The following SGCD variants were observed in gnomAD, a reference collection of about 807,000 sequenced individuals.
SGCD encodes delta-sarcoglycan.
Under a neutral mutation model 36.6 loss-of-function variants are expected in SGCD, and 18 were observed. The observed-to-expected ratio is 0.49, with a 90% CI of 0.34 to 0.73. The LOEUF (loss-of-function observed/expected upper bound fraction) is 0.73, where lower values mean the gene tolerates loss of function less well. Among genes scored for constraint, SGCD ranks in the 30% least tolerant of loss-of-function variants. SGCD has a pLI of 0.01. For missense variants in SGCD, 387 were observed against 346.7 expected (o/e 1.12, Z -0.92); for synonymous variants, 133 against 130.6 (o/e 1.02, Z -0.12).
intron 3 of SGCD, among the ~76,000 whole-genome samples, chr5:156,438,288 C>T (rs1753331155): frequency 6.6e-6 from 1 of 152,098 alleles, no homozygotes; most frequent in Non-Finnish European, 1.5e-5. Flanking sequence ...CCATATGCTC[C>T]TGCTCTGAGA....
intron 1 of SGCD, among the ~76,000 whole-genome samples, chr5:155,987,777 T>C (rs1471270111): frequency 6.6e-6 from 1 of 152,156 alleles, no homozygotes; most frequent in African/African-American, 2.4e-5. Context: ...TATTCTTCTT[T>C]CCATTTCTAG....
the SGCD span, among the ~76,000 whole-genome samples, chr5:155,827,155 T>C: frequency 6.6e-6 from 1 of 152,280 alleles, no homozygotes; most frequent in Admixed American, 6.5e-5. Context: ...CCTACATGCC[T>C]TCCACAGCTT....
intron 3 of SGCD, among the ~76,000 whole-genome samples, chr5:156,458,882 A>C (rs1490979761): frequency 6.6e-6 from 1 of 152,174 alleles, no homozygotes; most frequent in Non-Finnish European, 1.5e-5. Context: ...TTTTCCCTCA[A>C]AACTTGAAAC....
chr5:156,541,511 C>T (rs1758346504), intron 4 of SGCD, among the ~76,000 whole-genome samples: 1 of 152,028 alleles, frequency 6.6e-6, no homozygotes, highest in African/African-American at 2.4e-5. Context: ...GACAGAACCA[C>T]TGGGAACAAG....
intron 6 of SGCD, among the ~76,000 whole-genome samples, chr5:156,611,847 G>A (rs1434678111): frequency 1.3e-5 from 2 of 151,954 alleles, no homozygotes; most frequent in African/African-American, 4.8e-5. Flanking sequence ...TCTTTCTTAT[G>A]CTTAACCAAA....
the SGCD span, among the ~76,000 whole-genome samples, chr5:155,826,975 A>G: frequency 6.6e-6 from 1 of 152,202 alleles, no homozygotes; most frequent in African/African-American, 2.4e-5. Context: ...ATTGGATTCA[A>G]CCAAAACATT....
intron 3 of SGCD, among the ~76,000 whole-genome samples, chr5:156,267,761 A>G (rs1464089081): frequency 6.6e-6 from 1 of 152,104 alleles, no homozygotes; most frequent in Non-Finnish European, 1.5e-5. Context: ...CAAATGGCAT[A>G]TGATAGAATT....
At chr5:156,084,278 C>T (rs1209796716) in intron 1 of SGCD, among the ~76,000 whole-genome samples, 1 of 152,054 alleles carries the variant, frequency 6.6e-6, no homozygotes, top group Non-Finnish European at 1.5e-5. Context: ...TTCAACAGCA[C>T]TTTATAATTT....
intron 4 of SGCD, among the ~76,000 whole-genome samples, chr5:156,535,225 C>T (rs1330275292): frequency 1.3e-5 from 2 of 152,158 alleles, no homozygotes; most frequent in African/African-American, 2.4e-5. Context: ...CTCTCTGCTT[C>T]TTGGTTCATG....
chr5:156,165,748 A>G (rs896500215), intron 3 of SGCD, among the ~76,000 whole-genome samples: 2 of 152,202 alleles, frequency 1.3e-5, no homozygotes, highest in African/African-American at 4.8e-5. Context: ...AAAGTTACAG[A>G]TACACTATTT....
chr5:155,743,020 C>T, the SGCD span, among the ~76,000 whole-genome samples: 58 of 152,270 alleles, frequency 3.8e-4, no homozygotes, highest in South Asian at 8.3e-4. Context: ...AGCTTCCTTG[C>T]CCTCTCTAGG....
chr5:156,582,809 G>T (rs950343882), intron 4 of SGCD, among the ~76,000 whole-genome samples: 1 of 151,554 alleles, frequency 6.6e-6, no homozygotes, highest in African/African-American at 2.4e-5. Context: ...ATGCATGCAC[G>T]CATGTGCACG....
chr5:156,412,003 T>C (rs1373824248), intron 3 of SGCD, among the ~76,000 whole-genome samples: 1 of 152,254 alleles, frequency 6.6e-6, no homozygotes. Flanking sequence ...TCAATTTTTA[T>C]GTTCCCTAAA....
intron 3 of SGCD, among the ~76,000 whole-genome samples, chr5:156,256,917 A>C (rs2127663390): frequency 6.6e-6 from 1 of 152,120 alleles, no homozygotes; most frequent in East Asian, 1.9e-4. Flanking sequence ...GGTGGCTCAC[A>C]CCTATAATAC....
rs569721242 is a variant in SGCD, at chr5:156,498,656, T to C, written c.193-9945T>C. ...TTGCATGGATATAGAATATTTTACT[T>C]ATCCATTCATCAGTTAATAGGCATT... is the stretch of plus-strand genomic sequence containing the variant. On this transcript the variant is annotated intron_variant, in intron 3 of 8. Coordinates refer to ENST00000337851, the MANE Select transcript of SGCD (RefSeq NM_000337.6). 3.3e-5 allele frequency among the ~76,000 whole-genome samples: 5 copies of C among 152,352 alleles called. No homozygotes were observed. In the South Asian group the frequency reaches 1.0e-3, roughly 32 times the overall value.
intron 1 of SGCD, among the ~76,000 whole-genome samples, chr5:156,052,578 G>A (rs1759947624): frequency 6.8e-6 from 1 of 146,046 alleles, no homozygotes; most frequent in South Asian, 2.2e-4. Context: ...TGTGAACATG[G>A]AATATATTTT....
chr5:155,915,187 AG>A (rs540948764), intron 1 of SGCD, among the ~76,000 whole-genome samples: 34 of 152,288 alleles, frequency 2.2e-4, no homozygotes, highest in African/African-American at 7.7e-4. Context: ...CACCCCTACA[AG>A]GACACTTTTG....
chr5:156,232,933 C>T (rs976233162), intron 3 of SGCD, among the ~76,000 whole-genome samples: 1 of 152,148 alleles, frequency 6.6e-6, no homozygotes, highest in Non-Finnish European at 1.5e-5. Context: ...TTTTTATGTA[C>T]ACAAAACAAG....
rs1188032453 is a variant in SGCD, at chr5:156,759,765, CTTCATCTAGATA to C, written c.*379_*390del. On this transcript the variant is annotated 3_prime_UTR_variant, in exon 9 of 9. Transcript: ENST00000337851. ...ACAGCGTATTAAACACTGACAGAATCTTCATCTAGATATTCGAGTAGCAGCATATCTTCTCTT... is the reference window on the plus strand; with the variant it reads ...ACAGCGTATTAAACACTGACAGAATCTTCGAGTAGCAGCATATCTTCTCTT... 1 of 152,084 alleles carries C rather than the reference CTTCATCTAGATA, an allele frequency of 6.6e-6. No homozygotes were observed. The highest frequency in any genetic ancestry group is 1.5e-5 in the Non-Finnish European group (1 of 68,028). The allele number at this position is 152,084 out of a possible 1,614,324, so 9.4% of individuals were successfully genotyped here.
Sources: gnomAD v4.1 joint callset for allele counts (sites outside exome capture counted in the v4.1 genomes callset) on GRCh38, gnomAD v4.1.1 for gene constraint, MANE v1.5 for transcripts, NCBI Gene and HGNC (gene_info 2026-07-23, HGNC 2026-07-21) for gene names.